The following AAK1 variants were observed in gnomAD, a reference collection of about 807,000 sequenced individuals.
AAK1 encodes the protein AP2 associated kinase 1, also known as AP2-associated protein kinase 1.
AAK1 carries 37 observed loss-of-function variants against 116.0 expected under a neutral mutation model. The ratio of observed to expected loss-of-function variants is 0.32; its 90% CI spans 0.25 to 0.42. AAK1 has a LOEUF of 0.42. Among genes scored for constraint, AAK1 ranks in the 10% least tolerant of loss-of-function variants. AAK1 has a pLI of 1.00. For synonymous variants in AAK1, 458 were observed against 439.9 expected (o/e 1.04, Z -0.51); for missense variants, 919 against 1,170.6 (o/e 0.79, Z 3.14).
intron 13 of AAK1, 58 bp downstream of exon 13, chr2:69,514,413 A>T: frequency 4.1e-6 from 6 of 1,466,340 alleles, no homozygotes; most frequent in Non-Finnish European, 5.4e-6. Context: ...CCCTTCCCCT[A>T]GCTCTCGCTG....
At chr2:69,556,385 G>A (rs1178832751) in intron 3 of AAK1, among the ~76,000 whole-genome samples, 1 of 152,080 alleles carries the variant, frequency 6.6e-6, no homozygotes, top group African/African-American at 2.4e-5. Context: ...GCCAAAAAAG[G>A]GGGAAAGCAT....
chr2:69,613,841 GT>G (rs1349603642), intron 2 of AAK1, among the ~76,000 whole-genome samples: 3 of 152,194 alleles, frequency 2.0e-5, no homozygotes, highest in Non-Finnish European at 4.4e-5. Flanking sequence ...GTGAGCCACT[GT>G]TGCAAATGAT....
intron 3 of AAK1, among the ~76,000 whole-genome samples, chr2:69,548,481 T>G (rs2105065561): frequency 6.6e-6 from 1 of 152,184 alleles, no homozygotes. Flanking sequence ...TTTTTTCCTT[T>G]CTTTTTCTTT....
At chr2:69,582,334 G>C (rs1672580049) in intron 2 of AAK1, among the ~76,000 whole-genome samples, 1 of 152,156 alleles carries the variant, frequency 6.6e-6, no homozygotes, top group African/African-American at 2.4e-5. Flanking sequence ...ACTTAGAATA[G>C]AATCAGAGTA....
At chr2:69,578,574 A>T (rs953900805) in intron 2 of AAK1, among the ~76,000 whole-genome samples, 1 of 152,044 alleles carries the variant, frequency 6.6e-6, no homozygotes, top group Admixed American at 6.6e-5. Flanking sequence ...CCACCACCCC[A>T]ATCTACCAAC....
Position 69,519,783 on chromosome 2 carries a change from G to A in AAK1, c.1211-543C>T, listed in dbSNP as rs114992252. ...CATTAGAAACAGAATGCCAAAACATGAGGGGGTGTTAGATACTTCAAGAGA... is the reference window on the plus strand; with the variant it reads ...CATTAGAAACAGAATGCCAAAACATAAGGGGGTGTTAGATACTTCAAGAGA... On this transcript the variant is annotated intron_variant, in intron 11 of 21. Transcript: ENST00000409085. 8.8e-3 allele frequency among the ~76,000 whole-genome samples: 1,334 copies of A among 152,274 alleles called. 15 individuals are homozygous for A. Among genetic ancestry groups the A allele is most frequent in the African/African-American group, 0.03 (1,264 of 41,528 alleles).
chr2:69,605,375 C>T (rs1673755263), intron 2 of AAK1, among the ~76,000 whole-genome samples: 1 of 152,208 alleles, frequency 6.6e-6, no homozygotes, highest in African/African-American at 2.4e-5. Flanking sequence ...TCATGGTAAA[C>T]TAGTGGAAAC....
chr2:69,536,546 CT>C (rs1243769867), intron 5 of AAK1, among the ~76,000 whole-genome samples: 2 of 152,130 alleles, frequency 1.3e-5, no homozygotes, highest in Non-Finnish European at 2.9e-5. Context: ...TGCATAGGGA[CT>C]TTGTTTTTGG....
chr2:69,520,354 TTTTC>T (rs1669713231), intron 11 of AAK1, among the ~76,000 whole-genome samples: 1 of 146,194 alleles, frequency 6.8e-6, no homozygotes, highest in African/African-American at 2.7e-5. Flanking sequence ...GATACAATTC[TTTTC>T]TTTTTTTTTT....
At chr2:69,575,631 C>A (rs1454610968) in intron 2 of AAK1, among the ~76,000 whole-genome samples, 1 of 151,988 alleles carries the variant, frequency 6.6e-6, no homozygotes, top group Non-Finnish European at 1.5e-5. Flanking sequence ...AACATGTCGG[C>A]TAATTTTTGT....
In AAK1 at chr2:69,621,711, G is replaced by A. The variant is rs138089962; in HGVS notation, c.163+21167C>T. On this transcript the variant is annotated intron_variant, in intron 2 of 21. Transcript: ENST00000409085. ...ACTGATCATGGCCAACTACGAACAC[G>A]CTGCCTCCTCTCATTAAACCTGTAT... 1.5e-3 allele frequency among the ~76,000 whole-genome samples: 227 copies of A among 152,224 alleles called. 1 individual carries two copies. Among genetic ancestry groups the A allele is most frequent in the African/African-American group, 4.8e-3 (200 of 41,524 alleles).
At chr2:69,630,340 T>TGGGGGGGGGGGGGGGG (rs1354946859) in intron 2 of AAK1, among the ~76,000 whole-genome samples, 1 of 68,500 alleles carries the variant, frequency 1.5e-5, no homozygotes, top group African/African-American at 4.6e-5. Context: ...GGGCGGGGGG[T>TGGGGGGGGGGGGGGGG]GGGGGGGGAG....
intron 2 of AAK1, among the ~76,000 whole-genome samples, chr2:69,592,637 A>G (rs1384627549): frequency 1.3e-5 from 2 of 152,212 alleles, no homozygotes; most frequent in African/African-American, 4.8e-5. Context: ...GTGGCAAATA[A>G]AACAAAACCC....
At chr2:69,532,239 T>A (rs1572931249) in intron 5 of AAK1, 77 bp from the exon 6 acceptor site, 2 of 1,547,940 alleles carry the variant, frequency 1.3e-6, no homozygotes, top group Middle Eastern at 1.7e-4. Flanking sequence ...CACAGTCACA[T>A]AAATAAACGT....
chr2:69,598,973 G>A (rs901970689), intron 2 of AAK1: 4 of 420,300 alleles, frequency 9.5e-6, no homozygotes, highest in Admixed American at 2.6e-5. Flanking sequence ...TCTACCAAAA[G>A]CCTAGAGAAG....
At chr2:69,525,247 T>G in intron 9 of AAK1, 135 bp from the exon 10 acceptor site, 1 of 789,844 alleles carries the variant, frequency 1.3e-6, no homozygotes, top group Non-Finnish European at 2.0e-6. Context: ...TTCCAGGCCC[T>G]GAGCTCTGTC....
At chr2:69,476,217 AT>A (rs1674852006) in intron 21 of AAK1, among the ~76,000 whole-genome samples, 1 of 152,214 alleles carries the variant, frequency 6.6e-6, no homozygotes, top group Non-Finnish European at 1.5e-5. Flanking sequence ...TAGGTAGGAC[AT>A]CTTGCAAAGA....
chr2:69,464,356 G>A lies in AAK1; in HGVS notation c.*11513C>T, dbSNP rs144095760. ...AAGGTGCTCTTTTCTAGTGTTGTAA[G>A]GGGAAAATGTATAAGGAAAATTAAT... On this transcript the variant is annotated 3_prime_UTR_variant, in exon 22 of 22. Transcript: ENST00000409085. The A allele has an allele frequency of 1.1e-3, 160 of 152,230 alleles. No homozygotes were observed. Among genetic ancestry groups the A allele is most frequent in the African/African-American group, 3.6e-3 (150 of 41,530 alleles). 9.4% of individuals were successfully genotyped at this position (152,230 alleles called of 1,614,324 possible).
intron 2 of AAK1, among the ~76,000 whole-genome samples, chr2:69,564,369 C>G (rs962764796): frequency 6.6e-6 from 1 of 151,934 alleles, no homozygotes; most frequent in Non-Finnish European, 1.5e-5. Context: ...TTCCTCCTCA[C>G]CTTCAAAGTA....
Sources: gnomAD v4.1 joint callset for allele counts (sites outside exome capture counted in the v4.1 genomes callset) on GRCh38, gnomAD v4.1.1 for gene constraint, MANE v1.5 for transcripts, NCBI Gene and HGNC (gene_info 2026-07-23, HGNC 2026-07-21) for gene names.